The following MN1 variants were observed in gnomAD, a reference collection of about 807,000 sequenced individuals.
MN1 encodes transcriptional activator MN1.
Under a neutral mutation model 86.9 loss-of-function variants are expected in MN1, and 19 were observed. The observed-to-expected ratio is 0.22, with a 90% confidence interval of 0.15 to 0.32. The LOEUF is 0.32. Among genes scored for constraint, MN1 ranks in the 10% least tolerant of loss-of-function variants. The pLI is 1.00. For synonymous variants in MN1, 928 were observed against 849.6 expected (o/e 1.09, Z -1.60); for missense variants, 1,841 against 1,862.0 (o/e 0.99, Z 0.21).
intron 1 of MN1, among the ~76,000 whole-genome samples, chr22:27,753,483 A>T (rs1294630058): frequency 2.0e-5 from 3 of 152,146 alleles, no homozygotes; most frequent in Non-Finnish European, 4.4e-5. Flanking sequence ...TGGGACTGTC[A>T]TTCATATCTG....
intron 1 of MN1, among the ~76,000 whole-genome samples, chr22:27,776,918 G>A (rs180880257): frequency 2.0e-5 from 3 of 152,240 alleles, no homozygotes; most frequent in Non-Finnish European, 2.9e-5. Context: ...AGGGGGAGCC[G>A]GTGGGGGAGA....
intron 1 of MN1, among the ~76,000 whole-genome samples, chr22:27,767,111 G>A (rs1044891388): frequency 2.2e-4 from 34 of 152,184 alleles, no homozygotes; most frequent in South Asian, 4.2e-4. Context: ...GAAACTAGGG[G>A]CCTTGTATCA....
intron 1 of MN1, among the ~76,000 whole-genome samples, chr22:27,782,801 G>A (rs147236766): frequency 5.4e-4 from 82 of 152,330 alleles, no homozygotes; most frequent in African/African-American, 1.7e-3. Flanking sequence ...TTCAAAGCCT[G>A]TGCCCTTAGT....
chr22:27,775,397 G>A (rs1932965098), intron 1 of MN1, among the ~76,000 whole-genome samples: 1 of 152,120 alleles, frequency 6.6e-6, no homozygotes, highest in South Asian at 2.1e-4. Flanking sequence ...GATGGGCCTC[G>A]CGTCCACTCC....
chr22:27,774,858 T>C (rs45484094), intron 1 of MN1, among the ~76,000 whole-genome samples: 1,969 of 152,212 alleles, frequency 0.013, 44 homozygotes, highest in African/African-American at 0.045. Context: ...ACTGGCAGAC[T>C]AGACCCCCTG....
At chr22:27,756,534 GGAA>G (rs1157338804) in intron 1 of MN1, among the ~76,000 whole-genome samples, 11 of 152,130 alleles carry the variant, frequency 7.2e-5, no homozygotes, top group Admixed American at 5.9e-4. Context: ...GGGGTATTCG[GGAA>G]GAAGGACAGA....
chr22:27,791,997 T>C (rs1309651481), intron 1 of MN1: 3 of 152,492 alleles, frequency 2.0e-5, no homozygotes, highest in Admixed American at 6.5e-5. Context: ...TTATTAAAAA[T>C]GTATATTTTA....
chr22:27,794,915 G>A (rs1417632302), intron 1 of MN1, among the ~76,000 whole-genome samples: 2 of 151,578 alleles, frequency 1.3e-5, no homozygotes, highest in East Asian at 1.9e-4. Flanking sequence ...GGGGAGGGGC[G>A]GCTAGGCCAG....
At chr22:27,757,907 TC>T (rs1932811675) in intron 1 of MN1, among the ~76,000 whole-genome samples, 1 of 151,608 alleles carries the variant, frequency 6.6e-6, no homozygotes, top group African/African-American at 2.4e-5. Flanking sequence ...CTCCTCCCCA[TC>T]CCCCACAGTC....
At chr22:27,761,050 C>T (rs1253785727) in intron 1 of MN1, among the ~76,000 whole-genome samples, 2 of 152,188 alleles carry the variant, frequency 1.3e-5, no homozygotes, top group African/African-American at 4.8e-5. Flanking sequence ...CAAGGTCACA[C>T]CCAGAGACGT....
In MN1 at chr22:27,797,241, G is replaced by T; in HGVS notation, c.3303C>A (p.Pro1101=). 2 of 1,571,742 alleles carry T rather than the reference G, an allele frequency of 1.3e-6. No homozygotes were observed. Among genetic ancestry groups the T allele is most frequent in the Non-Finnish European group, 1.7e-6 (2 of 1,165,566 alleles). The change falls in exon 1 of 2, where the codon CCC becomes CCA. Residue 1101 remains proline (P), a synonymous_variant. Transcript: ENST00000302326. ...AGEHGPKAPP[P]ALGLGIMSNS... Reference sequence around the variant, plus strand: ...TAGACATGATGCCCAGGCCGAGGGCGGGCGGGGGCGCCTTCGGTCCGTGTT... The same window carrying T: ...TAGACATGATGCCCAGGCCGAGGGCTGGCGGGGGCGCCTTCGGTCCGTGTT...
chr22:27,795,861 T>C (rs1933285368), intron 1 of MN1, among the ~76,000 whole-genome samples: 2 of 152,214 alleles, frequency 1.3e-5, no homozygotes, highest in African/African-American at 4.8e-5. Context: ...GCCCATTTAC[T>C]AACCCCACCC....
chr22:27,785,085 C>T (rs1228847741), intron 1 of MN1, among the ~76,000 whole-genome samples: 1 of 151,880 alleles, frequency 6.6e-6, no homozygotes, highest in Non-Finnish European at 1.5e-5. Context: ...CACACACACA[C>T]ACACACACAC....
chr22:27,769,145 A>T (rs1932893350), intron 1 of MN1, among the ~76,000 whole-genome samples: 1 of 152,202 alleles, frequency 6.6e-6, no homozygotes, highest in Admixed American at 6.5e-5. Context: ...CGGGGCTCCC[A>T]CCAAAACATA....
Position 27,749,096 on chromosome 22 carries a change from G to T in MN1, c.*1819C>A. ...TGCTTTGTCTGCCCTCTGAAGGCGG[G>T]GTTTGCTCCTCGTCAAGACTGCCCA... On this transcript the variant is annotated 3_prime_UTR_variant, in exon 2 of 2. Transcript: ENST00000302326. The T allele has an allele frequency of 8.6e-6, 2 of 232,146 alleles. No individual in the cohort carries two copies. The highest frequency in any genetic ancestry group is 1.7e-5 in the Non-Finnish European group (2 of 117,366). The allele number at this position is 232,146 out of a possible 1,614,324, so 14.4% of individuals were successfully genotyped here.
Position 27,752,734 on chromosome 22 carries a change from A to C in MN1, c.3782-1638T>G, listed in dbSNP as rs551373262. Among the ~76,000 whole-genome samples the C allele has an allele frequency of 3.3e-5, 5 of 152,324 alleles. No individual in the cohort carries two copies. In the East Asian group the frequency reaches 9.6e-4, roughly 29 times the overall value. ...TATGTCCAAGGTCACACAGCCTGGA[A>C]GGGACAGAAAGCTGGGTTTGAATAT... On this transcript the variant is annotated intron_variant, in intron 1 of 1. Transcript: ENST00000302326.
At chr22:27,764,628 A>C (rs45513196) in intron 1 of MN1, among the ~76,000 whole-genome samples, 3,443 of 152,318 alleles carry the variant, frequency 0.023, 76 homozygotes, top group Middle Eastern at 0.085. Context: ...CAGTGAGCAG[A>C]AGGGCTGAGG....
At chr22:27,787,077 C>T (rs1933144448) in intron 1 of MN1, among the ~76,000 whole-genome samples, 1 of 152,170 alleles carries the variant, frequency 6.6e-6, no homozygotes, top group Admixed American at 6.5e-5. Context: ...TGAGCTTCTT[C>T]TTGGGGGAGA....
At chr22:27,763,776 G>A (rs920100431) in intron 1 of MN1, among the ~76,000 whole-genome samples, 3 of 152,190 alleles carry the variant, frequency 2.0e-5, no homozygotes, top group African/African-American at 7.2e-5. Flanking sequence ...ACCTTCCAGA[G>A]CTCCCACCCT....
Sources: allele counts gnomAD v4.1 joint callset (sites outside exome capture counted in the v4.1 genomes callset), GRCh38; gene constraint gnomAD v4.1.1; transcripts MANE v1.5; gene names NCBI Gene and HGNC (gene_info 2026-07-23, HGNC 2026-07-21).